PXDNL: variants seen among roughly 807,000 people sequenced by gnomAD.
PXDNL encodes peroxidasin like.
Under a neutral mutation model 150.8 loss-of-function variants are expected in PXDNL, and 145 were observed. That is an observed-to-expected ratio of 0.96 (90% CI 0.84 to 1.10). PXDNL has a LOEUF of 1.10. Ranked by LOEUF, PXDNL falls within the 50% of genes least tolerant of loss-of-function variation. The pLI is 0.00. For synonymous variants in PXDNL, 757 were observed against 725.7 expected (o/e 1.04, Z -0.69); for missense variants, 2,087 against 1,873.9 (o/e 1.11, Z -2.10).
intron 1 of PXDNL, among the ~76,000 whole-genome samples, chr8:51,752,716 C>A (rs1157574272): frequency 6.6e-6 from 1 of 152,120 alleles, no homozygotes; most frequent in Non-Finnish European, 1.5e-5. Context: ...AATTACTGTT[C>A]ATGCCTTTAG....
chr8:51,739,875 C>CA (rs10626496), intron 1 of PXDNL, among the ~76,000 whole-genome samples: 9,483 of 131,672 alleles, frequency 0.072, 477 homozygotes, highest in Non-Finnish European at 0.094. Flanking sequence ...GATTCTGTCT[C>CA]AAAAAAAAAA....
At chr8:51,467,517 C>T (rs1277600333) in intron 8 of PXDNL, among the ~76,000 whole-genome samples, 1 of 152,036 alleles carries the variant, frequency 6.6e-6, no homozygotes, top group Non-Finnish European at 1.5e-5. Flanking sequence ...CTATTTGTTA[C>T]TATGCTCACT....
At chr8:51,694,318 G>A (rs1287736801) in intron 1 of PXDNL, among the ~76,000 whole-genome samples, 1 of 152,120 alleles carries the variant, frequency 6.6e-6, no homozygotes, top group African/African-American at 2.4e-5. Context: ...AGCCAAGATG[G>A]TGCTACTGCC....
At chr8:51,804,175 A>G (rs1253703621) in intron 1 of PXDNL, among the ~76,000 whole-genome samples, 1 of 152,214 alleles carries the variant, frequency 6.6e-6, no homozygotes, top group African/African-American at 2.4e-5. Flanking sequence ...CTTGAAGCAA[A>G]GGAGGACAAC....
chr8:51,463,000 T>A (rs1810118156), intron 8 of PXDNL, among the ~76,000 whole-genome samples: 1 of 152,122 alleles, frequency 6.6e-6, no homozygotes, highest in Non-Finnish European at 1.5e-5. Flanking sequence ...GAAAAGAAAT[T>A]CCAACCAAGA....
Position 51,531,426 on chromosome 8 carries a change from C to G in PXDNL, c.380+25414G>C, listed in dbSNP as rs566348585. On this transcript the variant is annotated intron_variant, in intron 4 of 22. Transcript: ENST00000356297. Reference sequence around the variant, plus strand: ...TGAAGCCGGGGAGTGGATAACCTGTCCGCCAGCCATCAGCCCCTGAGGGCC... The same window carrying G: ...TGAAGCCGGGGAGTGGATAACCTGTGCGCCAGCCATCAGCCCCTGAGGGCC... Among the ~76,000 whole-genome samples the G allele has an allele frequency of 5.9e-5, 9 of 152,296 alleles. No individual in the cohort carries two copies. In the South Asian group the frequency reaches 1.9e-3, roughly 32 times the overall value.
intron 2 of PXDNL, among the ~76,000 whole-genome samples, chr8:51,641,735 G>C (rs1176697031): frequency 1.3e-5 from 2 of 151,926 alleles, no homozygotes; most frequent in Non-Finnish European, 2.9e-5. Context: ...TGGAGAAATA[G>C]GAACACTTTT....
At chr8:51,724,048 C>A (rs1359424688) in intron 1 of PXDNL, among the ~76,000 whole-genome samples, 1 of 148,844 alleles carries the variant, frequency 6.7e-6, no homozygotes. Flanking sequence ...TGGAGCGGAA[C>A]AGGCCTCTCT....
chr8:51,465,410 T>C (rs531553605), intron 8 of PXDNL, among the ~76,000 whole-genome samples: 1 of 150,932 alleles, frequency 6.6e-6, no homozygotes, highest in East Asian at 1.9e-4. Context: ...TACCTCAAAA[T>C]AATAAAAGCC....
chr8:51,786,899 T>A (rs1185881320), intron 1 of PXDNL, among the ~76,000 whole-genome samples: 3 of 152,214 alleles, frequency 2.0e-5, no homozygotes, highest in Admixed American at 2.0e-4. Context: ...AACTCTCCTA[T>A]CAGGGGCTAA....
At chr8:51,417,486 A>G (rs1393308062) in intron 14 of PXDNL, among the ~76,000 whole-genome samples, 1 of 152,140 alleles carries the variant, frequency 6.6e-6, no homozygotes, top group Non-Finnish European at 1.5e-5. Flanking sequence ...TGGGGACTGG[A>G]CCTAGAGATG....
intron 2 of PXDNL, among the ~76,000 whole-genome samples, chr8:51,632,048 G>A (rs1281735933): frequency 6.6e-6 from 1 of 152,024 alleles, no homozygotes; most frequent in Non-Finnish European, 1.5e-5. Context: ...TCAAAAGGCA[G>A]AGAGCAGCAG....
chr8:51,443,885 CT>C lies in PXDNL; in HGVS notation c.1525+3118del, dbSNP rs534069236. Among the ~76,000 whole-genome samples, 23 of 151,876 alleles carry C rather than the reference CT, an allele frequency of 1.5e-4. 1 individual carries two copies. The highest frequency in any genetic ancestry group is 3.1e-4 in the African/African-American group (13 of 41,356). ...ACCAAAATTTGACAATTGGTAGCTT[CT>C]TTTTTTTATTATCCTTTAAGTTTTA... On this transcript the variant is annotated intron_variant, in intron 12 of 22. Coordinates refer to ENST00000356297, the MANE Select transcript of PXDNL (RefSeq NM_144651.5).
intron 2 of PXDNL, among the ~76,000 whole-genome samples, chr8:51,618,769 G>A (rs1164041981): frequency 6.6e-6 from 1 of 152,162 alleles, no homozygotes; most frequent in African/African-American, 2.4e-5. Context: ...CACCCTCCTA[G>A]CCTGCAAAAT....
At chr8:51,499,416 C>G (rs1394900554) in intron 5 of PXDNL, among the ~76,000 whole-genome samples, 1 of 152,218 alleles carries the variant, frequency 6.6e-6, no homozygotes, top group Non-Finnish European at 1.5e-5. Context: ...CAGGTGTGAG[C>G]CACCTTGCCT....
intron 17 of PXDNL, among the ~76,000 whole-genome samples, chr8:51,398,423 C>T (rs939028475): frequency 6.6e-6 from 1 of 152,220 alleles, no homozygotes; most frequent in Non-Finnish European, 1.5e-5. Flanking sequence ...ATGAGGTATA[C>T]ACAGGGCAAC....
At chr8:51,550,484 AT>A (rs1012479481) in intron 4 of PXDNL, among the ~76,000 whole-genome samples, 3 of 152,196 alleles carry the variant, frequency 2.0e-5, no homozygotes, top group African/African-American at 7.2e-5. Flanking sequence ...ATAATATACA[AT>A]GATCAAGTGG....
intron 1 of PXDNL, among the ~76,000 whole-genome samples, chr8:51,754,493 T>G (rs2037078778): frequency 7.0e-6 from 1 of 143,144 alleles, no homozygotes; most frequent in Non-Finnish European, 1.6e-5. Flanking sequence ...CATCCAGGCC[T>G]TGAAAGTCAA....
At chr8:51,742,327 G>A (rs1459921883) in intron 1 of PXDNL, among the ~76,000 whole-genome samples, 2 of 152,134 alleles carry the variant, frequency 1.3e-5, no homozygotes, top group African/African-American at 2.4e-5. Flanking sequence ...GTGATCACAC[G>A]CATCTACTCA....
Sources: allele counts gnomAD v4.1 joint callset (sites outside exome capture counted in the v4.1 genomes callset), GRCh38; gene constraint gnomAD v4.1.1; transcripts MANE v1.5; gene names NCBI Gene and HGNC (gene_info 2026-07-23, HGNC 2026-07-21).